PCBP2: variants seen among roughly 807,000 people sequenced by gnomAD.
PCBP2 encodes poly(rC)-binding protein 2.
In PCBP2, 4 loss-of-function variants were observed where a neutral mutation model predicts 50.1. The observed-to-expected ratio is 0.08, with a 90% confidence interval of 0.04 to 0.18. The LOEUF is 0.18. Among genes scored for constraint, PCBP2 ranks in the 10% least tolerant of loss-of-function variants. The pLI, the probability that PCBP2 is intolerant of heterozygous loss-of-function variation, is 1.00. For missense variants in PCBP2, 161 were observed against 474.3 expected, an observed-to-expected ratio of 0.34 and a Z score of 6.14; for synonymous variants, 179 against 168.0, an observed-to-expected ratio of 1.07 and a Z score of -0.51.
chr12:53,467,354 G>A, intron 11 of PCBP2, 61 bp downstream of exon 11: 2 of 1,336,654 alleles, frequency 1.5e-6, no homozygotes, highest in Non-Finnish European at 2.2e-6. Context: ...CCAGTCCCAA[G>A]GTCTCAGCTT....
Position 53,481,152 on chromosome 12 carries a change from TTCTC to T in PCBP2, c.*1712_*1715del, listed in dbSNP as rs1385731561. 3.8e-6 allele frequency: 4 copies of T among 1,053,184 alleles called. No individual in the cohort carries two copies. Among genetic ancestry groups the T allele is most frequent in the Non-Finnish European group, 5.0e-6 (4 of 794,192 alleles). The allele number at this position is 1,053,184 out of a possible 1,614,324, so 65.2% of individuals were successfully genotyped here. On this transcript the variant is annotated 3_prime_UTR_variant, in exon 15 of 15. Coordinates refer to ENST00000546463, the MANE Select transcript of PCBP2 (RefSeq NM_031989.5). Reference sequence around the variant, plus strand: ...ATATATATATAATTTATATAAATATTTCTCTATGTACAAGGAATACGAGTGGCTT... The same window carrying T: ...ATATATATATAATTTATATAAATATTTATGTACAAGGAATACGAGTGGCTT...
At chr12:53,460,924 A>T (rs568386879) in intron 6 of PCBP2, 91 bp from the exon 7 acceptor site, 2 of 1,360,130 alleles carry the variant, frequency 1.5e-6, no homozygotes, top group South Asian at 2.4e-5. Flanking sequence ...ATAAATATCT[A>T]CTAGAGTTTT....
At chr12:53,458,072 G>C (rs1252869479) in intron 5 of PCBP2, among the ~76,000 whole-genome samples, 1 of 150,732 alleles carries the variant, frequency 6.6e-6, no homozygotes, top group Admixed American at 6.6e-5. Flanking sequence ...GGGATTATAG[G>C]CGCCTACCAC....
At chr12:53,466,659 G>A (rs1038680038) in intron 10 of PCBP2, among the ~76,000 whole-genome samples, 6 of 152,174 alleles carry the variant, frequency 3.9e-5, no homozygotes, top group Non-Finnish European at 7.3e-5. Context: ...TAGACGTGAA[G>A]AAGGATTATT....
intron 13 of PCBP2, among the ~76,000 whole-genome samples, chr12:53,471,077 G>T (rs1205682445): frequency 6.6e-6 from 1 of 151,916 alleles, no homozygotes; most frequent in Non-Finnish European, 1.5e-5. Context: ...CACCATGGGT[G>T]GTCAGACTGA....
chr12:53,454,816 A>T lies in PCBP2; in HGVS notation c.16A>T (p.Ile6Phe). 6.2e-7 allele frequency: 1 copy of T among 1,614,104 alleles called. No individual in the cohort carries two copies. Among genetic ancestry groups the T allele is most frequent in the East Asian group, 2.2e-5 (1 of 44,876 alleles). Residue 6 changes from isoleucine to phenylalanine, a missense_variant, in exon 2 of 15, where the codon ATT (isoleucine) becomes TTT (phenylalanine). Ile to Phe is a conservative substitution (Grantham distance 21, BLOSUM62 0). Around this residue, in one of 7 missense-constraint regions of PCBP2, gnomAD observed 11 missense variants for 16.4 expected, o/e 0.67. Transcript: ENST00000546463. Reference protein sequence around the residue: MDTGVIEGGLNVTLTI... With the variant: MDTGVFEGGLNVTLTI... ...ACTGCTCGACATGGACACCGGTGTG[A>T]TTGAAGGTGGATTAAATGTCACTCT...
chr12:53,458,031 C>T (rs532524699), intron 5 of PCBP2, among the ~76,000 whole-genome samples: 29 of 152,108 alleles, frequency 1.9e-4, no homozygotes, highest in Middle Eastern at 3.4e-3. Context: ...CGGGTTCAAG[C>T]GATTCTCCTG....
chr12:53,469,177 C>A (rs1379309561), intron 13 of PCBP2, among the ~76,000 whole-genome samples: 2 of 152,022 alleles, frequency 1.3e-5, no homozygotes, highest in Non-Finnish European at 2.9e-5. Context: ...GCTGGGATTA[C>A]AGGTCTGAGT....
rs535487411 is a variant in PCBP2 at position 53,467,392 on chromosome 12, T to C, written c.787+99T>C. The C allele has an allele frequency of 1.6e-5, 16 of 986,402 alleles. No individual in the cohort carries two copies. In the Admixed American group the frequency reaches 2.0e-4, roughly 13 times the overall value. 61.1% of individuals were successfully genotyped at this position (986,402 alleles called of 1,614,324 possible). ...CATCTGTTTAAAACAAACTTCGTTA[T>C]CCAGCATCCTGCTGGTTTAAACTTG... On this transcript the variant is annotated intron_variant, in intron 11 of 14. Transcript: ENST00000546463.
intron 11 of PCBP2, 36 bp downstream of exon 11, chr12:53,467,329 A>C (rs1941893139): frequency 6.6e-7 from 1 of 1,506,732 alleles, no homozygotes; most frequent in Admixed American, 1.7e-5. Context: ...TGTAAGGTGT[A>C]GTGCAAGAGA....
intron 1 of PCBP2, among the ~76,000 whole-genome samples, chr12:53,453,872 T>G (rs1940774858): frequency 6.6e-6 from 1 of 152,226 alleles, no homozygotes; most frequent in Non-Finnish European, 1.5e-5. Flanking sequence ...AGGGCCATCT[T>G]GTATAGGAAA....
Position 53,464,741 on chromosome 12 carries a change from A to C in PCBP2, c.580-19A>C. 6.2e-7 allele frequency: 1 copy of C among 1,610,562 alleles called. No individual in the cohort carries two copies. Among genetic ancestry groups the C allele is most frequent in the Non-Finnish European group, 8.5e-7 (1 of 1,178,646 alleles). ...CGGATTGACAGCCCTGGAGACTGAAATCCTCTATTTATCCACAGGACAGGT... is the reference window on the plus strand; with the variant it reads ...CGGATTGACAGCCCTGGAGACTGAACTCCTCTATTTATCCACAGGACAGGT... On this transcript the variant is annotated intron_variant, in intron 8 of 14. Transcript: ENST00000546463.
chr12:53,456,180 C>T, intron 5 of PCBP2, 179 bp downstream of exon 5: 1 of 606,602 alleles, frequency 1.6e-6, no homozygotes, highest in Non-Finnish European at 3.0e-6. Context: ...AAAAGAGTCA[C>T]TTGAGGCTGG....
rs1181166622 is a variant in PCBP2, at chr12:53,452,361, C to T, written c.-91C>T. The T allele has an allele frequency of 2.1e-5, 3 of 141,468 alleles. No individual in the cohort carries two copies. The highest frequency in any genetic ancestry group is 7.9e-5 in the African/African-American group (3 of 38,116). 8.8% of individuals were successfully genotyped at this position (141,468 alleles called of 1,614,324 possible). On this transcript the variant is annotated 5_prime_UTR_variant, in exon 1 of 15. Transcript: ENST00000546463. ...CGCCCGCTCCCCTTTTCCCCTCAGT[C>T]GCCTCGCGCCTGCAGGTAAGCCTAA...
rs891911856 is a variant in PCBP2 at position 53,457,933 on chromosome 12, TTTTG to T, written c.244-1331_244-1328del. Among the ~76,000 whole-genome samples the T allele has an allele frequency of 7.9e-5, 12 of 152,148 alleles. 2 individuals carry two copies. The highest frequency in any genetic ancestry group is 2.7e-4 in the African/African-American group (11 of 41,446). On this transcript the variant is annotated intron_variant, in intron 5 of 14. Coordinates refer to ENST00000546463, the MANE Select transcript of PCBP2 (RefSeq NM_031989.5). ...ACAGTCAAATCTATAGGTTTGTTTTTTTTGTTTGTTTTGAGACGGAGTTTCCTCC... is the reference window on the plus strand; with the variant it reads ...ACAGTCAAATCTATAGGTTTGTTTTTTTTGTTTTGAGACGGAGTTTCCTCC...
chr12:53,461,263 G>C, intron 7 of PCBP2, 120 bp downstream of exon 7: 2 of 1,104,404 alleles, frequency 1.8e-6, no homozygotes, highest in South Asian at 1.5e-5. Context: ...TGGGGGTGGG[G>C]CTAAAAGGTT....
intron 4 of PCBP2, 150 bp downstream of exon 4, chr12:53,455,643 T>C (rs1169623434): frequency 1.3e-5 from 11 of 853,474 alleles, no homozygotes; most frequent in African/African-American, 1.0e-4. Flanking sequence ...ATCTGGGGAG[T>C]GTATTTTTTT....
At chr12:53,457,115 T>C (rs974568892) in intron 5 of PCBP2, among the ~76,000 whole-genome samples, 4 of 152,164 alleles carry the variant, frequency 2.6e-5, no homozygotes, top group South Asian at 2.1e-4. Flanking sequence ...TGCAGTGATA[T>C]ACCTGTAGCT....
At chr12:53,469,518 C>T (rs1783698948) in intron 13 of PCBP2, among the ~76,000 whole-genome samples, 2 of 151,638 alleles carry the variant, frequency 1.3e-5, no homozygotes, top group Admixed American at 6.6e-5. Flanking sequence ...CTTGGAAGTT[C>T]GAGACCAGCC....
Sources: allele counts gnomAD v4.1 joint callset (sites outside exome capture counted in the v4.1 genomes callset), GRCh38; gene constraint gnomAD v4.1.1; regional missense constraint gnomAD v4.1.1; transcripts MANE v1.5; gene names NCBI Gene and HGNC (gene_info 2026-07-23, HGNC 2026-07-21).